The following CENPP variants were observed in gnomAD, a reference collection of about 807,000 sequenced individuals.
CENPP encodes centromere protein P.
A neutral mutation model predicts 35.6 loss-of-function variants in CENPP; 24 were observed. That is an observed-to-expected ratio of 0.67 (90% CI 0.49 to 0.95). The LOEUF is 0.95. Ranked by LOEUF, CENPP falls within the 40% of genes least tolerant of loss-of-function variation. The pLI is 0.00. For synonymous variants in CENPP, 120 were observed against 125.5 expected, an observed-to-expected ratio of 0.96 and a Z score of 0.29; for missense variants, 332 against 345.3, an observed-to-expected ratio of 0.96 and a Z score of 0.31.
intron 5 of CENPP, among the ~76,000 whole-genome samples, chr9:92,572,927 G>T (rs1850180968): frequency 6.6e-6 from 1 of 152,052 alleles, no homozygotes; most frequent in Admixed American, 6.5e-5. Context: ...TTGTGCCATG[G>T]TTTTCAGCTC....
chr9:92,474,259 A>G (rs1295656670), intron 5 of CENPP, among the ~76,000 whole-genome samples: 1 of 152,202 alleles, frequency 6.6e-6, no homozygotes, highest in African/African-American at 2.4e-5. Context: ...CTAGACATGC[A>G]GCTTATTTTG....
intron 2 of CENPP, among the ~76,000 whole-genome samples, chr9:92,333,472 A>T (rs1735211324): frequency 6.6e-6 from 1 of 152,252 alleles, no homozygotes; most frequent in African/African-American, 2.4e-5. Context: ...TGACAAAGCT[A>T]ATGTGGTTTG....
At chr9:92,557,440 T>C (rs551981831) in intron 5 of CENPP, among the ~76,000 whole-genome samples, 13 of 152,338 alleles carry the variant, frequency 8.5e-5, no homozygotes, top group African/African-American at 3.1e-4. Context: ...AATTCTCTTC[T>C]TCCTCAGGAA....
At chr9:92,536,062 T>A (rs1232219160) in intron 5 of CENPP, 1 of 495,308 alleles carries the variant, frequency 2.0e-6, no homozygotes, top group Non-Finnish European at 4.0e-6. Flanking sequence ...TTTGCTGAAC[T>A]TCTTAGTAAA....
chr9:92,332,910 A>T (rs962519720), intron 2 of CENPP, among the ~76,000 whole-genome samples: 3 of 151,862 alleles, frequency 2.0e-5, no homozygotes, highest in Non-Finnish European at 2.9e-5. Flanking sequence ...CTGATGGAAA[A>T]GAACAGACAC....
At chr9:92,448,548 C>A (rs1264873668) in intron 5 of CENPP, among the ~76,000 whole-genome samples, 2 of 151,802 alleles carry the variant, frequency 1.3e-5, no homozygotes, top group Admixed American at 6.6e-5. Context: ...GTCAGGGAGG[C>A]AAGGCTTGCT....
intron 5 of CENPP, among the ~76,000 whole-genome samples, chr9:92,562,219 T>G (rs1242584227): frequency 2.0e-5 from 3 of 151,320 alleles, no homozygotes; most frequent in South Asian, 2.1e-4. Context: ...TTTTTTTTTT[T>G]TTGAGATGGA....
In CENPP at chr9:92,573,822, CG is replaced by C. The variant is rs763717395; in HGVS notation, c.565-37490del. ...GGCGGATGCCTGTCCCCCAGCCTCG[CG>C]GCCGCCTTGCAGTTGGATCTCAGAC... On this transcript the variant is annotated intron_variant, in intron 5 of 7. Transcript: ENST00000375587. Among the ~76,000 whole-genome samples, 7 of 152,374 alleles carry C rather than the reference CG, an allele frequency of 4.6e-5. No individual in the cohort carries two copies. The East Asian group carries it at 9.6e-4, about 21-fold the overall frequency.
chr9:92,519,307 GA>G (rs1847921420), intron 5 of CENPP, among the ~76,000 whole-genome samples: 1 of 152,108 alleles, frequency 6.6e-6, no homozygotes, highest in African/African-American at 2.4e-5. Context: ...TGCAGAAATG[GA>G]AAAGCTGATC....
intron 4 of CENPP, among the ~76,000 whole-genome samples, chr9:92,376,908 C>G (rs1333224507): frequency 6.6e-6 from 1 of 151,786 alleles, no homozygotes; most frequent in African/African-American, 2.4e-5. Context: ...AGCCAGGCAT[C>G]ATGGCGCACG....
intron 5 of CENPP, among the ~76,000 whole-genome samples, chr9:92,449,367 G>T (rs1030402536): frequency 4.4e-5 from 6 of 137,836 alleles, no homozygotes; most frequent in Non-Finnish European, 7.7e-5. Context: ...GAACCCAGGA[G>T]GCAGAGCTTG....
chr9:92,460,112 G>A (rs948175509), intron 5 of CENPP, among the ~76,000 whole-genome samples: 2 of 148,430 alleles, frequency 1.3e-5, no homozygotes, highest in Non-Finnish European at 3.0e-5. Context: ...CCATGCCCAG[G>A]CTGGAGTGCA....
chr9:92,448,493 A>C (rs1371610466), intron 5 of CENPP, among the ~76,000 whole-genome samples: 1 of 150,568 alleles, frequency 6.6e-6, no homozygotes, highest in Admixed American at 6.6e-5. Flanking sequence ...CTGGTCTCGA[A>C]CTCCTGAGGG....
intron 5 of CENPP, among the ~76,000 whole-genome samples, chr9:92,510,976 A>G (rs1204821835): frequency 1.3e-5 from 2 of 152,238 alleles, no homozygotes; most frequent in Non-Finnish European, 2.9e-5. Flanking sequence ...TGGAAGACCC[A>G]GAAGACTGCC....
intron 5 of CENPP, among the ~76,000 whole-genome samples, chr9:92,405,293 TAA>T (rs150865808): frequency 0.038 from 5,854 of 152,222 alleles, 141 homozygotes; most frequent in Middle Eastern, 0.075. Context: ...AAGATTTTTT[TAA>T]AGAGTCACTT....
chr9:92,567,393 T>TATATATATAG (rs1554688302), intron 5 of CENPP, among the ~76,000 whole-genome samples: 73 of 124,904 alleles, frequency 5.8e-4, no homozygotes, highest in East Asian at 1.9e-3. Context: ...TATATATATA[T>TATATATATAG]ATAGATATAT....
chr9:92,598,353 C>G (rs1850829804), intron 5 of CENPP, among the ~76,000 whole-genome samples: 2 of 152,242 alleles, frequency 1.3e-5, no homozygotes, highest in Admixed American at 1.3e-4. Flanking sequence ...GTCCTTGCTC[C>G]TCTGAGCTTT....
intron 5 of CENPP, among the ~76,000 whole-genome samples, chr9:92,427,351 C>T (rs1188154052): frequency 6.6e-6 from 1 of 152,138 alleles, no homozygotes; most frequent in Non-Finnish European, 1.5e-5. Context: ...TTAGTAGAGA[C>T]TGGGTTTCAC....
chr9:92,375,024 G>A (rs1245367273), intron 4 of CENPP, among the ~76,000 whole-genome samples: 1 of 152,000 alleles, frequency 6.6e-6, no homozygotes, highest in East Asian at 1.9e-4. Flanking sequence ...GTCTTGATGT[G>A]GATCTCTTTG....
Sources: gnomAD v4.1 joint callset for allele counts (sites outside exome capture counted in the v4.1 genomes callset) on GRCh38, gnomAD v4.1.1 for gene constraint, MANE v1.5 for transcripts, NCBI Gene and HGNC (gene_info 2026-07-23, HGNC 2026-07-21) for gene names.